Variants in RNF130 observed in about 807,000 individuals in gnomAD.
RNF130 encodes E3 ubiquitin-protein ligase RNF130.
A neutral mutation model predicts 44.6 loss-of-function variants in RNF130; 21 were observed. The ratio of observed to expected loss-of-function variants is 0.47; its 90% CI spans 0.33 to 0.68. The LOEUF is 0.68. Among genes scored for constraint, RNF130 ranks in the 30% least tolerant of loss-of-function variants. RNF130 has a pLI of 0.02. For synonymous variants in RNF130, 214 were observed against 210.4 expected, an observed-to-expected ratio of 1.02 and a Z score of -0.15; for missense variants, 479 against 560.6, an observed-to-expected ratio of 0.85 and a Z score of 1.47.
At chr5:179,921,902 A>C (rs1460050205) in intron 7 of RNF130, among the ~76,000 whole-genome samples, 1 of 148,552 alleles carries the variant, frequency 6.7e-6, no homozygotes, top group East Asian at 2.0e-4. Flanking sequence ...GGTGCCTGTA[A>C]TCCAGCTACT....
rs371751598 is a variant in RNF130 at position 180,007,988 on chromosome 5, GTTTTTTTT to G, written c.693+5065_693+5072del. Among the ~76,000 whole-genome samples, 14 of 129,858 alleles carry G rather than the reference GTTTTTTTT, an allele frequency of 1.1e-4. No individual in the cohort carries two copies. In the South Asian group the frequency reaches 1.7e-3, roughly 16 times the overall value. 85.2% of individuals were successfully genotyped at this position (129,858 alleles called of 152,430 possible). A position where few individuals can be genotyped will look rare whatever the true frequency, so the allele number is the denominator to read the frequency against. ...ACATATTTTAAAAACAAATCTTTTAGTTTTTTTTTTTTTTTTTTTTAACAGGTATATTA... is the reference window on the plus strand; with the variant it reads ...ACATATTTTAAAAACAAATCTTTTAGTTTTTTTTTTTTAACAGGTATATTA... On this transcript the variant is annotated intron_variant, in intron 3 of 8. Transcript: ENST00000521389.
intron 7 of RNF130, among the ~76,000 whole-genome samples, chr5:179,948,067 T>C (rs554968014): frequency 7.9e-5 from 12 of 152,294 alleles, no homozygotes; most frequent in African/African-American, 2.4e-4. Flanking sequence ...GTTGGGAGCA[T>C]TGACTCTGGG....
At chr5:179,991,877 G>T (rs1336574239) in intron 3 of RNF130, among the ~76,000 whole-genome samples, 2 of 152,144 alleles carry the variant, frequency 1.3e-5, no homozygotes, top group South Asian at 4.1e-4. Flanking sequence ...ATGGGAGACA[G>T]TGAGAGATTA....
intron 7 of RNF130, among the ~76,000 whole-genome samples, chr5:179,932,760 T>C (rs1474689042): frequency 2.0e-5 from 3 of 151,808 alleles, no homozygotes; most frequent in African/African-American, 2.4e-5. Context: ...CACTTGAACC[T>C]GGGAGGCGGG....
chr5:179,970,892 TAAGTG>T (rs1582151305), intron 5 of RNF130, among the ~76,000 whole-genome samples: 2 of 152,246 alleles, frequency 1.3e-5, no homozygotes, highest in East Asian at 3.8e-4. Context: ...AAATCATGGC[TAAGTG>T]AAGAGTTCTC....
At chr5:179,956,752 C>T (rs2113693752) in intron 8 of RNF130, among the ~76,000 whole-genome samples, 1 of 152,346 alleles carries the variant, frequency 6.6e-6, no homozygotes, top group South Asian at 2.1e-4. Context: ...CCAGAAGGGC[C>T]TTTGCGTACT....
intron 2 of RNF130, among the ~76,000 whole-genome samples, chr5:180,023,073 A>G: frequency 6.6e-6 from 1 of 152,344 alleles, no homozygotes; most frequent in South Asian, 2.1e-4. Flanking sequence ...TAGATGTAGG[A>G]TGGCAAGAGC....
intron 3 of RNF130, among the ~76,000 whole-genome samples, chr5:180,001,415 A>C (rs1029339545): frequency 6.6e-6 from 1 of 152,184 alleles, no homozygotes; most frequent in African/African-American, 2.4e-5. Context: ...CCTGTGGCAA[A>C]GTGGGATATG....
intron 1 of RNF130, among the ~76,000 whole-genome samples, chr5:180,069,606 TCTC>T (rs1382319638): frequency 2.0e-5 from 3 of 152,124 alleles, no homozygotes; most frequent in South Asian, 2.1e-4. Flanking sequence ...GGTTAACAAA[TCTC>T]CTCTTTTCAG....
intron 7 of RNF130, among the ~76,000 whole-genome samples, chr5:179,936,589 A>C (rs997303143): frequency 6.6e-6 from 1 of 152,098 alleles, no homozygotes; most frequent in Non-Finnish European, 1.5e-5. Flanking sequence ...TTTTCCTCCC[A>C]ATACTTTACT....
downstream of RNF130, among the ~76,000 whole-genome samples, chr5:179,953,992 A>G (rs1240676564): frequency 6.6e-6 from 1 of 152,232 alleles, no homozygotes; most frequent in East Asian, 1.9e-4. Context: ...AGCACATGAA[A>G]AGATGCTTTG....
intron 7 of RNF130, among the ~76,000 whole-genome samples, chr5:179,942,162 T>G (rs1326017772): frequency 1.6e-5 from 1 of 63,408 alleles, no homozygotes; most frequent in Non-Finnish European, 3.6e-5. Flanking sequence ...TAGAACCATC[T>G]CAGTATGAAA....
chr5:179,938,810 T>C (rs1168754891), intron 7 of RNF130, among the ~76,000 whole-genome samples: 2 of 152,220 alleles, frequency 1.3e-5, no homozygotes, highest in African/African-American at 4.8e-5. Context: ...AGACTCACCC[T>C]GGCAATGTTA....
chr5:179,937,420 G>C (rs1761907654), intron 7 of RNF130, among the ~76,000 whole-genome samples: 1 of 152,324 alleles, frequency 6.6e-6, no homozygotes, highest in East Asian at 1.9e-4. Flanking sequence ...GAAGATGTAT[G>C]AGTGGCTAAC....
intron 1 of RNF130, among the ~76,000 whole-genome samples, chr5:180,046,862 G>T (rs1764577738): frequency 6.6e-6 from 1 of 152,174 alleles, no homozygotes; most frequent in South Asian, 2.1e-4. Context: ...TTACTTCTGA[G>T]GCTTTCCTTC....
intron 3 of RNF130, among the ~76,000 whole-genome samples, chr5:179,989,841 G>A (rs992330933): frequency 6.6e-5 from 10 of 152,028 alleles, no homozygotes; most frequent in African/African-American, 2.4e-4. Context: ...TTCTATCATG[G>A]TGCCATTTGA....
chr5:179,946,605 G>C lies in RNF130; in HGVS notation c.1150+20201C>G, dbSNP rs532109140. ...GTCTCGCTCTGTCGCCCAGGCTGGA[G>C]TGCAGTGGTGTGATCTTGGCTCACT... is the stretch of plus-strand genomic sequence containing the variant. On this transcript the variant is annotated intron_variant, in intron 7 of 7. Transcript: ENST00000522208. Among the ~76,000 whole-genome samples, 498 of 150,810 alleles carry C rather than the reference G, an allele frequency of 3.3e-3. 4 individuals are homozygous for C. The highest frequency in any genetic ancestry group is 0.011 in the African/African-American group (462 of 40,874).
chr5:179,937,221 A>AGTATCATC (rs1582129015), intron 7 of RNF130, among the ~76,000 whole-genome samples: 1 of 152,232 alleles, frequency 6.6e-6, no homozygotes, highest in African/African-American at 2.4e-5. Flanking sequence ...ATCAAAACGA[A>AGTATCATC]AGACTTGTGC....
chr5:180,016,567 G>C (rs1763740376), intron 2 of RNF130, among the ~76,000 whole-genome samples: 1 of 152,202 alleles, frequency 6.6e-6, no homozygotes, highest in African/African-American at 2.4e-5. Flanking sequence ...CTAACTGTCA[G>C]AGATGGCAAT....
Sources: allele counts gnomAD v4.1 joint callset (sites outside exome capture counted in the v4.1 genomes callset), GRCh38; gene constraint gnomAD v4.1.1; transcripts MANE v1.5; gene names NCBI Gene and HGNC (gene_info 2026-07-23, HGNC 2026-07-21).